The following PPFIA1 variants were observed in gnomAD, a reference collection of about 807,000 sequenced individuals.
PPFIA1 encodes the protein PPFI scaffold protein A1, also known as liprin-alpha-1.
Under a neutral mutation model 149.9 loss-of-function variants are expected in PPFIA1, and 25 were observed. That is an observed-to-expected ratio of 0.17 (90% CI 0.12 to 0.23). The LOEUF (loss-of-function observed/expected upper bound fraction) is 0.23, where lower values mean the gene tolerates loss of function less well. Among genes scored for constraint, PPFIA1 ranks in the 10% least tolerant of loss-of-function variants. The pLI is 1.00. For synonymous variants in PPFIA1, 549 were observed against 552.8 expected (o/e 0.99, Z 0.10); for missense variants, 1,362 against 1,506.5 (o/e 0.90, Z 1.59).
intron 5 of PPFIA1, 25 bp from the exon 6 acceptor site, chr11:70,326,237 C>T: frequency 7.4e-7 from 1 of 1,354,150 alleles, no homozygotes; most frequent in Non-Finnish European, 1.0e-6. Flanking sequence ...GTATTTTACA[C>T]TCATATTCAA....
rs1591239214 is a variant in PPFIA1 at position 70,330,271 on chromosome 11, T to C, written c.1029T>C (p.Asn343=). 6.3e-7 allele frequency: 1 copy of C among 1,584,392 alleles called. No individual in the cohort carries two copies. Among genetic ancestry groups the C allele is most frequent in the South Asian group, 1.2e-5 (1 of 85,206 alleles). Residue 343 remains asparagine (N), a synonymous_variant, in exon 8 of 28, where the codon AAT becomes AAC. Coordinates refer to ENST00000253925, the MANE Select transcript of PPFIA1 (RefSeq NM_003626.5). The stretch of plus-strand genomic sequence containing the variant: ...AAGCCACATCTGTGCATGACCTCAA[T>C]GATAAACTTGAAAATGAAATTGCAA... The part of the protein sequence containing the change: ...QREATSVHDL[N]DKLENEIANK...
intron 2 of PPFIA1, among the ~76,000 whole-genome samples, chr11:70,295,057 A>G (rs1203768717): frequency 4.6e-5 from 7 of 152,140 alleles, no homozygotes; most frequent in African/African-American, 1.7e-4. Flanking sequence ...CCCGTTCTCA[A>G]TGAGCTGTTG....
intron 2 of PPFIA1, among the ~76,000 whole-genome samples, chr11:70,317,675 G>A (rs1014977315): frequency 3.9e-5 from 6 of 152,122 alleles, no homozygotes; most frequent in Non-Finnish European, 8.8e-5. Context: ...TGCTGGTGCC[G>A]GAAGAGTGAC....
In PPFIA1 at chr11:70,383,128, C is replaced by T. The variant is rs201885354; in HGVS notation, c.*138C>T. 8.1e-6 allele frequency: 3 copies of T among 370,258 alleles called. No homozygotes were observed. The highest frequency in any genetic ancestry group is 4.9e-5 in the Admixed American group (1 of 20,594). 22.9% of individuals were successfully genotyped at this position (370,258 alleles called of 1,614,324 possible). ...ATATGGACCCTAAGATATTTTATTA[C>T]AGAGTTTTTAATTAGTGAAAAATTC... is the stretch of plus-strand genomic sequence containing the variant. On this transcript the variant is annotated 3_prime_UTR_variant, in exon 28 of 28. Transcript: ENST00000253925.
intron 2 of PPFIA1, among the ~76,000 whole-genome samples, chr11:70,277,080 A>G (rs1395351650): frequency 1.6e-5 from 2 of 128,254 alleles, no homozygotes; most frequent in African/African-American, 6.4e-5. Flanking sequence ...TTCCAGGCAC[A>G]GTCTCATTGT....
intron 19 of PPFIA1, among the ~76,000 whole-genome samples, chr11:70,359,664 C>G (rs907837940): frequency 1.1e-4 from 16 of 152,202 alleles, no homozygotes; most frequent in Non-Finnish European, 1.5e-5. Flanking sequence ...ACTGTTTGAT[C>G]AGCAAAAACT....
intron 16 of PPFIA1, among the ~76,000 whole-genome samples, chr11:70,352,796 TGG>T (rs2056147391): frequency 7.6e-5 from 2 of 26,266 alleles, no homozygotes; most frequent in Admixed American, 4.4e-4. Flanking sequence ...TGTGGAGGGG[TGG>T]GAGGGCGGCG....
At chr11:70,286,113 C>T (rs975379528) in intron 2 of PPFIA1, among the ~76,000 whole-genome samples, 12 of 152,182 alleles carry the variant, frequency 7.9e-5, no homozygotes, top group African/African-American at 2.9e-4. Context: ...CTCGCAGGTG[C>T]CTTACCTGAC....
intron 2 of PPFIA1, among the ~76,000 whole-genome samples, chr11:70,293,145 A>C (rs1016828473): frequency 2.0e-5 from 3 of 152,252 alleles, no homozygotes; most frequent in Admixed American, 2.0e-4. Flanking sequence ...GAATGATGAA[A>C]TAATTTCCTA....
intron 2 of PPFIA1, among the ~76,000 whole-genome samples, chr11:70,310,210 A>G (rs1390727636): frequency 1.3e-5 from 2 of 152,176 alleles, no homozygotes; most frequent in African/African-American, 4.8e-5. Context: ...TTTATTATAA[A>G]GTGGCTGGCA....
At chr11:70,352,692 C>A (rs893303924) in intron 16 of PPFIA1, among the ~76,000 whole-genome samples, 1 of 150,754 alleles carries the variant, frequency 6.6e-6, no homozygotes, top group Non-Finnish European at 1.5e-5. Context: ...AGGCAGAAGT[C>A]TGGCACGTGA....
chr11:70,322,488 A>C (rs2054002011), intron 2 of PPFIA1, among the ~76,000 whole-genome samples: 1 of 152,184 alleles, frequency 6.6e-6, no homozygotes, highest in East Asian at 1.9e-4. Flanking sequence ...TGCCCAGCCC[A>C]GGAGCCCGCT....
intron 2 of PPFIA1, among the ~76,000 whole-genome samples, chr11:70,304,677 C>T (rs2052726596): frequency 1.3e-5 from 2 of 152,096 alleles, no homozygotes; most frequent in Admixed American, 6.6e-5. Flanking sequence ...CTGAGCCTTA[C>T]CCTGTGGGAT....
intron 21 of PPFIA1, chr11:70,371,552 G>A (rs1041255779): frequency 7.8e-5 from 11 of 140,916 alleles, no homozygotes; most frequent in African/African-American, 2.8e-4. Flanking sequence ...ATATTCTGTT[G>A]TTGGGTGGTG....
At chr11:70,291,010 C>T (rs879765943) in intron 2 of PPFIA1, among the ~76,000 whole-genome samples, 28 of 152,140 alleles carry the variant, frequency 1.8e-4, no homozygotes, top group Non-Finnish European at 3.8e-4. Context: ...TTCAGCCTCC[C>T]GAGTAGCTGG....
intron 2 of PPFIA1, among the ~76,000 whole-genome samples, chr11:70,275,035 G>A (rs2050304220): frequency 6.6e-6 from 1 of 152,226 alleles, no homozygotes; most frequent in Admixed American, 6.5e-5. Flanking sequence ...AAAAGTGGTG[G>A]TTGTGACAGT....
intron 15 of PPFIA1, among the ~76,000 whole-genome samples, chr11:70,347,618 A>T (rs1167664617): frequency 6.6e-6 from 1 of 152,188 alleles, no homozygotes; most frequent in East Asian, 1.9e-4. Flanking sequence ...AGGCAGGAGG[A>T]TCCCTTGAGT....
intron 16 of PPFIA1, among the ~76,000 whole-genome samples, chr11:70,354,032 T>C (rs960221504): frequency 6.6e-6 from 1 of 152,126 alleles, no homozygotes; most frequent in Non-Finnish European, 1.5e-5. Context: ...GGCAGAACCT[T>C]GGGCTGCATG....
chr11:70,313,852 C>T (rs2053435817), intron 2 of PPFIA1, among the ~76,000 whole-genome samples: 1 of 152,070 alleles, frequency 6.6e-6, no homozygotes, highest in Non-Finnish European at 1.5e-5. Flanking sequence ...ATGACAAACC[C>T]CCATCTCTCC....
Sources: allele counts gnomAD v4.1 joint callset (sites outside exome capture counted in the v4.1 genomes callset), GRCh38; gene constraint gnomAD v4.1.1; transcripts MANE v1.5; gene names NCBI Gene and HGNC (gene_info 2026-07-23, HGNC 2026-07-21).